The following CAMTA1 variants were observed in gnomAD, a reference collection of about 807,000 sequenced individuals.
CAMTA1 encodes the protein calmodulin-binding transcription activator 1.
Under a neutral mutation model 170.9 loss-of-function variants are expected in CAMTA1, and 27 were observed. The ratio of observed to expected loss-of-function variants is 0.16; its 90% CI spans 0.12 to 0.22. The LOEUF is 0.22. CAMTA1 is among the 10% of genes least tolerant of loss of function. The pLI is 1.00. For synonymous variants in CAMTA1, 833 were observed against 891.5 expected, an observed-to-expected ratio of 0.93 and a Z score of 1.17; for missense variants, 1,619 against 2,217.2, an observed-to-expected ratio of 0.73 and a Z score of 5.42.
At chr1:7,563,140 G>A (rs1156683826) in intron 6 of CAMTA1, among the ~76,000 whole-genome samples, 2 of 152,224 alleles carry the variant, frequency 1.3e-5, no homozygotes, top group Non-Finnish European at 2.9e-5. Flanking sequence ...TCATCGGGCT[G>A]TAGCCCCCAG....
At chr1:7,186,576 C>G (rs977868541) in intron 4 of CAMTA1, among the ~76,000 whole-genome samples, 5 of 152,138 alleles carry the variant, frequency 3.3e-5, no homozygotes, top group African/African-American at 1.2e-4. Context: ...ACCTGGGTTC[C>G]CATCAGCTCT....
chr1:7,692,832 AC>A (rs1157025438), intron 11 of CAMTA1, among the ~76,000 whole-genome samples: 8 of 152,130 alleles, frequency 5.3e-5, no homozygotes, highest in African/African-American at 1.9e-4. Context: ...CCAAGGCTTT[AC>A]CCATCAACCA....
At chr1:7,200,663 A>C in intron 4 of CAMTA1, among the ~76,000 whole-genome samples, 1 of 152,202 alleles carries the variant, frequency 6.6e-6, no homozygotes, top group East Asian at 1.9e-4. Context: ...GTGTTGTCCA[A>C]AATACTACGG....
intron 4 of CAMTA1, among the ~76,000 whole-genome samples, chr1:7,221,874 T>C (rs74051196): frequency 0.029 from 4,345 of 151,252 alleles, 166 homozygotes; most frequent in African/African-American, 0.09. Flanking sequence ...ACCCCTGCCT[T>C]CCTTCAGAGG....
chr1:7,225,216 C>T (rs1294205769), intron 4 of CAMTA1, among the ~76,000 whole-genome samples: 6 of 152,228 alleles, frequency 3.9e-5, no homozygotes, highest in African/African-American at 1.4e-4. Context: ...TCCCGAGTAG[C>T]TGGGACTACA....
rs115637636 is a variant in CAMTA1 at position 7,352,521 on chromosome 1, G to T, written c.438+102895G>T. On this transcript the variant is annotated intron_variant, in intron 5 of 22. Coordinates refer to ENST00000303635, the MANE Select transcript of CAMTA1 (RefSeq NM_015215.4). The stretch of plus-strand genomic sequence containing the variant: ...GTCCCAGCTCCAGGCTGTGTGTGGC[G>T]TGTGTCTCTGCAGGTGTCCTCACTG... Among the ~76,000 whole-genome samples the T allele has an allele frequency of 4.7e-3, 710 of 152,306 alleles. 4 individuals are homozygous for T. Among genetic ancestry groups the T allele is most frequent in the African/African-American group, 0.016 (677 of 41,566 alleles).
intron 4 of CAMTA1, among the ~76,000 whole-genome samples, chr1:7,208,829 G>A (rs1378121228): frequency 6.6e-6 from 1 of 152,176 alleles, no homozygotes; most frequent in Non-Finnish European, 1.5e-5. Flanking sequence ...TTGATGATAT[G>A]TGTTGTTTCA....
intron 5 of CAMTA1, chr1:7,389,262 GCT>G (rs2088406229): frequency 2.0e-5 from 3 of 152,728 alleles, no homozygotes; most frequent in Admixed American, 6.5e-5. Flanking sequence ...TGGGCTCTGG[GCT>G]CGGCAGGAGC....
At chr1:7,128,313 C>A (rs752142906) in intron 4 of CAMTA1, among the ~76,000 whole-genome samples, 1 of 152,158 alleles carries the variant, frequency 6.6e-6, no homozygotes, top group East Asian at 1.9e-4. Flanking sequence ...CCTGTGAGTC[C>A]TTTCAGTGAC....
At chr1:7,629,451 G>A (rs903067566) in intron 6 of CAMTA1, among the ~76,000 whole-genome samples, 5 of 151,834 alleles carry the variant, frequency 3.3e-5, no homozygotes, top group Admixed American at 6.6e-5. Flanking sequence ...AGCCCATGTC[G>A]CCTTGCAATA....
chr1:7,686,731 G>T (rs574111835), intron 11 of CAMTA1, among the ~76,000 whole-genome samples: 1 of 152,172 alleles, frequency 6.6e-6, no homozygotes, highest in African/African-American at 2.4e-5. Context: ...TCTTGCGTCC[G>T]TTCGGGCAAG....
chr1:7,226,318 C>G (rs750244096), intron 4 of CAMTA1, among the ~76,000 whole-genome samples: 4 of 152,148 alleles, frequency 2.6e-5, no homozygotes, highest in Non-Finnish European at 4.4e-5. Context: ...GTGATTTCCA[C>G]TTGCCTTCAG....
chr1:7,421,344 G>A (rs9793619), intron 5 of CAMTA1, among the ~76,000 whole-genome samples: 50,002 of 151,862 alleles, frequency 0.33, 8,666 homozygotes, highest in Middle Eastern at 0.59. Context: ...AGTAGAGACG[G>A]GGTCTTGCCA....
chr1:7,372,663 C>A lies in CAMTA1; in HGVS notation c.439-95167C>A, dbSNP rs143568428. Among the ~76,000 whole-genome samples, 1,049 of 152,342 alleles carry A rather than the reference C, an allele frequency of 6.9e-3. 7 individuals carry two copies. Among genetic ancestry groups the A allele is most frequent in the East Asian group, 0.024 (124 of 5,182 alleles). ...CCACAGTGATGGAGCCCCGTGCCAG[C>A]GCTGCCATGAGTGCTTTGTGTGTAG... On this transcript the variant is annotated intron_variant, in intron 5 of 22. Coordinates refer to ENST00000303635, the MANE Select transcript of CAMTA1 (RefSeq NM_015215.4).
intron 3 of CAMTA1, among the ~76,000 whole-genome samples, chr1:6,837,816 A>G (rs1014668914): frequency 3.9e-5 from 6 of 152,232 alleles, no homozygotes; most frequent in Admixed American, 3.3e-4. Flanking sequence ...GTTTTCAACA[A>G]TCTATTCCTC....
intron 3 of CAMTA1, among the ~76,000 whole-genome samples, chr1:6,848,828 G>A (rs1202250321): frequency 1.3e-5 from 2 of 152,174 alleles, no homozygotes; most frequent in Non-Finnish European, 2.9e-5. Flanking sequence ...GTTAGAATTT[G>A]GGGTTTATGC....
At chr1:7,294,809 C>T (rs1673680490) in intron 5 of CAMTA1, among the ~76,000 whole-genome samples, 1 of 151,808 alleles carries the variant, frequency 6.6e-6, no homozygotes, top group African/African-American at 2.4e-5. Flanking sequence ...AGGGTGAAGT[C>T]TCAGAGAGAC....
chr1:6,893,070 A>C (rs1489126443), intron 3 of CAMTA1, among the ~76,000 whole-genome samples: 1 of 152,070 alleles, frequency 6.6e-6, no homozygotes, highest in African/African-American at 2.4e-5. Context: ...TCACGAGGTC[A>C]GGAGTTCGAG....
At chr1:7,751,610 T>A (rs2096897904) in intron 20 of CAMTA1, among the ~76,000 whole-genome samples, 2 of 152,082 alleles carry the variant, frequency 1.3e-5, no homozygotes, top group South Asian at 4.1e-4. Flanking sequence ...CCCACCCAAT[T>A]ATTTTGATAT....
Sources: gnomAD v4.1 joint callset for allele counts (sites outside exome capture counted in the v4.1 genomes callset) on GRCh38, gnomAD v4.1.1 for gene constraint, MANE v1.5 for transcripts, NCBI Gene and HGNC (gene_info 2026-07-23, HGNC 2026-07-21) for gene names.